The following RAVER2 variants were observed in gnomAD, a reference collection of about 807,000 sequenced individuals.
RAVER2 encodes the protein ribonucleoprotein, PTB binding 2, also known as ribonucleoprotein PTB-binding 2.
RAVER2 carries 46 observed loss-of-function variants against 78.1 expected under a neutral mutation model. The ratio of observed to expected loss-of-function variants is 0.59; its 90% CI spans 0.46 to 0.75. The LOEUF is 0.75. Among genes scored for constraint, RAVER2 ranks in the 30% least tolerant of loss-of-function variants. The probability of loss-of-function intolerance (pLI) is 0.00; values close to 1 mark genes in which losing one functional copy is unlikely to be tolerated. For synonymous variants in RAVER2, 311 were observed against 313.3 expected, an observed-to-expected ratio of 0.99 and a Z score of 0.08; for missense variants, 793 against 837.5, an observed-to-expected ratio of 0.95 and a Z score of 0.66.
chr1:64,777,984 G>A (rs1652517488), exon 3 of RAVER2: 1 of 1,614,104 alleles, frequency 6.2e-7, no homozygotes, highest in Non-Finnish European at 8.5e-7. Flanking sequence ...TGGCTTCAGA[G>A]CTCATTCATT....
chr1:64,779,444 C>CGG (rs1303926896), intron 3 of RAVER2, among the ~76,000 whole-genome samples: 7 of 151,930 alleles, frequency 4.6e-5, no homozygotes, highest in Admixed American at 3.3e-4. Flanking sequence ...TCATGGCCCA[C>CGG]AGTAGTCCCA....
At chr1:64,833,155 G>GTTA (rs1374922882) in exon 12 of RAVER2, 2 of 186,834 alleles carry the variant, frequency 1.1e-5, no homozygotes, top group African/African-American at 2.3e-5. Context: ...AAACTATACT[G>GTTA]TTATTTTTCT....
chr1:64,793,084 T>TC (rs1184839381), intron 5 of RAVER2, among the ~76,000 whole-genome samples: 1 of 152,020 alleles, frequency 6.6e-6, no homozygotes, highest in Non-Finnish European at 1.5e-5. Flanking sequence ...GCACTTGTAG[T>TC]CCCAGCTACT....
chr1:64,809,673 A>G (rs984472710), intron 9 of RAVER2, among the ~76,000 whole-genome samples: 4 of 152,082 alleles, frequency 2.6e-5, no homozygotes, highest in African/African-American at 9.7e-5. Flanking sequence ...GTACATTCAC[A>G]TTGTTGTGCA....
At chr1:64,778,136 C>G in intron 3 of RAVER2, 44 bp downstream of exon 3, 1 of 1,350,962 alleles carries the variant, frequency 7.4e-7, no homozygotes, top group South Asian at 1.4e-5. Flanking sequence ...AAAATATATA[C>G]ATATGTATCT....
chr1:64,826,606 A>G (rs1180491524), intron 11 of RAVER2, among the ~76,000 whole-genome samples: 1 of 152,162 alleles, frequency 6.6e-6, no homozygotes, highest in Non-Finnish European at 1.5e-5. Context: ...AGGACCTTTT[A>G]GGCCCTTGTA....
At chr1:64,795,547 G>A (rs1352859264) in intron 5 of RAVER2, among the ~76,000 whole-genome samples, 1 of 151,966 alleles carries the variant, frequency 6.6e-6, no homozygotes, top group Non-Finnish European at 1.5e-5. Flanking sequence ...TTTATTCACA[G>A]TATTTCATAT....
intron 11 of RAVER2, among the ~76,000 whole-genome samples, chr1:64,829,467 G>A (rs1251808637): frequency 3.3e-5 from 5 of 152,226 alleles, no homozygotes; most frequent in Non-Finnish European, 7.3e-5. Context: ...CAGCGAAGGG[G>A]CCCTAATGAA....
chr1:64,822,427 A>G (rs975250595), intron 11 of RAVER2, among the ~76,000 whole-genome samples: 4 of 152,264 alleles, frequency 2.6e-5, no homozygotes, highest in African/African-American at 9.6e-5. Flanking sequence ...ACAGCACAGC[A>G]GTAGATTTGT....
At chr1:64,812,017 T>C (rs1336288931) in intron 9 of RAVER2, among the ~76,000 whole-genome samples, 1 of 152,208 alleles carries the variant, frequency 6.6e-6, no homozygotes, top group Non-Finnish European at 1.5e-5. Flanking sequence ...TTTGCTTTTG[T>C]TATTTGGTCA....
chr1:64,790,769 A>G (rs1411924890), intron 5 of RAVER2, among the ~76,000 whole-genome samples: 1 of 152,232 alleles, frequency 6.6e-6, no homozygotes, highest in Non-Finnish European at 1.5e-5. Flanking sequence ...TTAAGTTTAC[A>G]GCAAATATGT....
At chr1:64,753,641 A>G (rs1361204884) in intron 1 of RAVER2, among the ~76,000 whole-genome samples, 1 of 147,414 alleles carries the variant, frequency 6.8e-6, no homozygotes, top group African/African-American at 2.5e-5. Flanking sequence ...CTCATGCCTC[A>G]GCCTCCCGAG....
intron 4 of RAVER2, among the ~76,000 whole-genome samples, chr1:64,785,184 TG>T (rs1652744096): frequency 6.6e-6 from 1 of 152,228 alleles, no homozygotes; most frequent in Non-Finnish European, 1.5e-5. Context: ...TATAGGTTTT[TG>T]GTACATATCC....
chr1:64,758,674 A>G (rs1397845959), intron 1 of RAVER2, among the ~76,000 whole-genome samples: 1 of 152,170 alleles, frequency 6.6e-6, no homozygotes, highest in Non-Finnish European at 1.5e-5. Flanking sequence ...GTGGAAATGT[A>G]TTCTTCCTTA....
At chr1:64,814,120 A>C (rs566302461) in intron 10 of RAVER2, among the ~76,000 whole-genome samples, 20 of 151,502 alleles carry the variant, frequency 1.3e-4, no homozygotes, top group African/African-American at 4.6e-4. Context: ...TGTGAGACAG[A>C]GTCTTGCTCT....
chr1:64,801,574 G>C (rs1192374943), intron 5 of RAVER2, among the ~76,000 whole-genome samples: 1 of 143,704 alleles, frequency 7.0e-6, no homozygotes, highest in Non-Finnish European at 1.5e-5. Flanking sequence ...AAGCAATAAA[G>C]AATGGCTGCT....
chr1:64,754,477 A>T (rs1424831259), intron 1 of RAVER2, among the ~76,000 whole-genome samples: 1 of 151,602 alleles, frequency 6.6e-6, no homozygotes, highest in Non-Finnish European at 1.5e-5. Context: ...GAGACGTCTG[A>T]CCCCCGGCAC....
At chr1:64,804,783 A>G (rs757311872) in exon 7 of RAVER2, 4 of 1,550,754 alleles carry the variant, frequency 2.6e-6, no homozygotes, top group Non-Finnish European at 3.6e-6. Context: ...AATCTTTCTC[A>G]TATACCACTG....
chr1:64,826,948 A>T (rs986052583), intron 11 of RAVER2, among the ~76,000 whole-genome samples: 1 of 152,056 alleles, frequency 6.6e-6, no homozygotes, highest in Non-Finnish European at 1.5e-5. Flanking sequence ...GATGGGTAAG[A>T]CTGTGTGGGT....
Sources: gnomAD v4.1 joint callset for allele counts (sites outside exome capture counted in the v4.1 genomes callset) on GRCh38, gnomAD v4.1.1 for gene constraint, MANE v1.5 for transcripts, NCBI Gene and HGNC (gene_info 2026-07-23, HGNC 2026-07-21) for gene names.